The following SAMMSON variants were observed in gnomAD, a reference collection of about 807,000 sequenced individuals.
SAMMSON encodes the protein long intergenic non-protein coding RNA 1212.
intron 4 of SAMMSON, among the ~76,000 whole-genome samples, chr3:70,128,285 G>C (rs1271754388): frequency 6.6e-6 from 1 of 152,088 alleles, no homozygotes; most frequent in African/African-American, 2.4e-5. Flanking sequence ...TTCTCCATCT[G>C]AATAGCTGCC....
chr3:70,271,131 G>A (rs1701972624), intron 6 of SAMMSON, among the ~76,000 whole-genome samples: 1 of 152,062 alleles, frequency 6.6e-6, no homozygotes, highest in Non-Finnish European at 1.5e-5. Flanking sequence ...TGGTGCAAAA[G>A]TCATTGTGGT....
At chr3:70,032,153 G>A (rs2067068500) in intron 3 of SAMMSON, among the ~76,000 whole-genome samples, 1 of 152,118 alleles carries the variant, frequency 6.6e-6, no homozygotes, top group African/African-American at 2.4e-5. Flanking sequence ...CTAGAATTAG[G>A]ATGAGGCTGT....
intron 2 of SAMMSON, among the ~76,000 whole-genome samples, chr3:70,428,296 T>A (rs186878747): frequency 0.012 from 1,884 of 152,170 alleles, 31 homozygotes; most frequent in African/African-American, 0.042. Context: ...GCCAAAAAAA[T>A]TTTTTTGAAG....
At chr3:70,186,216 TA>T (rs1233364322) in intron 4 of SAMMSON, among the ~76,000 whole-genome samples, 3 of 151,382 alleles carry the variant, frequency 2.0e-5, no homozygotes, top group Non-Finnish European at 2.9e-5. Context: ...ATTCATTGTA[TA>T]AAAAAAACAA....
At chr3:70,100,430 G>A (rs1192141559) in intron 4 of SAMMSON, among the ~76,000 whole-genome samples, 1 of 151,578 alleles carries the variant, frequency 6.6e-6, no homozygotes, top group Non-Finnish European at 1.5e-5. Context: ...TTGCAGGCAT[G>A]AGCCACCATA....
chr3:70,040,918 G>C (rs1478411702), intron 3 of SAMMSON, among the ~76,000 whole-genome samples: 1 of 152,114 alleles, frequency 6.6e-6, no homozygotes, highest in Admixed American at 6.6e-5. Flanking sequence ...TCAATGATTT[G>C]GTCTAAATCC....
chr3:70,296,786 T>C (rs1383390374), intron 7 of SAMMSON, among the ~76,000 whole-genome samples: 3 of 152,100 alleles, frequency 2.0e-5, no homozygotes, highest in Non-Finnish European at 4.4e-5. Flanking sequence ...TTTCTTCCAA[T>C]CTGCTTTTTC....
intron 4 of SAMMSON, among the ~76,000 whole-genome samples, chr3:70,214,208 T>A (rs1271667287): frequency 6.6e-6 from 1 of 152,090 alleles, no homozygotes; most frequent in Non-Finnish European, 1.5e-5. Flanking sequence ...GATACATATA[T>A]TTGACATTTT....
intron 4 of SAMMSON, among the ~76,000 whole-genome samples, chr3:70,079,022 T>C (rs1182649952): frequency 6.6e-6 from 1 of 152,222 alleles, no homozygotes; most frequent in Non-Finnish European, 1.5e-5. Context: ...GTACTATCTA[T>C]GGCTGCTTTT....
At chr3:70,390,063 G>A (rs1701031729), downstream of SAMMSON, among the ~76,000 whole-genome samples, 2 of 151,928 alleles carry the variant, frequency 1.3e-5, no homozygotes, top group South Asian at 4.2e-4. Flanking sequence ...ATACACTTCT[G>A]AACCTTAACC....
In SAMMSON at chr3:70,433,925, G is replaced by A. The variant is rs143535599; in HGVS notation, n.234-28635G>A. The stretch of plus-strand genomic sequence containing the variant: ...CTGTCCTTTCTTCATTTAATACTTT[G>A]TTCCTTTGTCAAAGATCGGTTGACT... On this transcript the variant is annotated intron_variant and non_coding_transcript_variant, in intron 2 of 3. Coordinates refer to the SAMMSON transcript ENST00000641053. Among the ~76,000 whole-genome samples, 1,041 of 152,184 alleles carry A rather than the reference G, an allele frequency of 6.8e-3. 9 individuals carry two copies. Among genetic ancestry groups the A allele is most frequent in the South Asian group, 9.1e-3 (44 of 4,828 alleles).
chr3:70,175,331 G>T (rs995503857), intron 4 of SAMMSON, among the ~76,000 whole-genome samples: 1 of 151,898 alleles, frequency 6.6e-6, no homozygotes, highest in Non-Finnish European at 1.5e-5. Context: ...AGTCTGATTG[G>T]GTCAGTTTAG....
intron 9 of SAMMSON, among the ~76,000 whole-genome samples, chr3:70,380,980 T>A (rs1476251696): frequency 1.3e-5 from 2 of 152,214 alleles, no homozygotes; most frequent in Admixed American, 1.3e-4. Flanking sequence ...TCTTTGCTAT[T>A]GTGAATTGTG....
chr3:70,368,749 C>A (rs1702940870), intron 9 of SAMMSON, among the ~76,000 whole-genome samples: 1 of 151,588 alleles, frequency 6.6e-6, no homozygotes, highest in African/African-American at 2.4e-5. Context: ...TCACCAACAC[C>A]ACACTGTCTT....
rs565613023 is a variant in SAMMSON at position 70,263,276 on chromosome 3, G to A, written n.674+13606G>A. ...GGTATTATAAATTTTATGTTATCGA[G>A]TGCTGGTTTTTAAAAAAATATTCTT... is the stretch of plus-strand genomic sequence containing the variant. On this transcript the variant is annotated intron_variant and non_coding_transcript_variant, in intron 6 of 9. Transcript: ENST00000642114. Among the ~76,000 whole-genome samples the A allele has an allele frequency of 2.0e-5, 3 of 151,838 alleles. No individual in the cohort carries two copies. In the South Asian group the frequency reaches 6.2e-4, roughly 32 times the overall value.
intron 4 of SAMMSON, among the ~76,000 whole-genome samples, chr3:70,103,453 A>T (rs1471167974): frequency 2.0e-5 from 3 of 152,194 alleles, no homozygotes; most frequent in African/African-American, 7.2e-5. Flanking sequence ...GGCAGAGCAA[A>T]CTTCTTATCC....
intron 4 of SAMMSON, among the ~76,000 whole-genome samples, chr3:70,117,979 G>A (rs6807288): frequency 3.3e-5 from 5 of 151,870 alleles, no homozygotes; most frequent in South Asian, 2.1e-4. Context: ...GTGCAGTGGC[G>A]CCATCTCGGC....
At chr3:70,064,991 A>G (rs2067204079) in intron 3 of SAMMSON, among the ~76,000 whole-genome samples, 1 of 152,126 alleles carries the variant, frequency 6.6e-6, no homozygotes, top group Admixed American at 6.6e-5. Context: ...TAATGTACTG[A>G]GCCAGAAAAA....
intron 3 of SAMMSON, among the ~76,000 whole-genome samples, chr3:70,021,854 T>C (rs1028072372): frequency 2.0e-5 from 3 of 152,178 alleles, no homozygotes; most frequent in African/African-American, 7.2e-5. Flanking sequence ...CTGAGACTTA[T>C]TGCTATGCAT....
Sources: gnomAD v4.1 joint callset for allele counts (sites outside exome capture counted in the v4.1 genomes callset) on GRCh38, gnomAD v4.1.1 for gene constraint, MANE v1.5 for transcripts, NCBI Gene and HGNC (gene_info 2026-07-23, HGNC 2026-07-21) for gene names.